PRKACA: variants seen among roughly 807,000 people sequenced by gnomAD.
The protein encoded by PRKACA is protein kinase cAMP-activated catalytic subunit alpha, also known as cAMP-dependent protein kinase catalytic subunit alpha.
In PRKACA, 9 loss-of-function variants were observed where a neutral mutation model predicts 45.8. That is an observed-to-expected ratio of 0.20 (90% CI 0.12 to 0.34). PRKACA has a LOEUF of 0.34. Among genes scored for constraint, PRKACA ranks in the 10% least tolerant of loss-of-function variants. The probability of loss-of-function intolerance (pLI) is 1.00; values close to 1 mark genes in which losing one functional copy is unlikely to be tolerated. For synonymous variants in PRKACA, 160 were observed against 178.6 expected (o/e 0.90, Z 0.83); for missense variants, 238 against 458.6 (o/e 0.52, Z 4.39).
chr19:14,106,752 C>A lies in PRKACA; in HGVS notation c.237+8G>T. ...AGGCAGGCCCTGAGCGAGGACAGGC[C>A]ACCTCACCTTCTGTTTGTCGAGGAT... On this transcript the variant is annotated splice_region_variant and intron_variant, in intron 3 of 9. Transcript: ENST00000308677. The A allele has an allele frequency of 6.2e-7, 1 of 1,614,112 alleles. No individual in the cohort carries two copies. The highest frequency in any genetic ancestry group is 8.5e-7 in the Non-Finnish European group (1 of 1,179,960).
At chr19:14,093,316 C>T (rs1224851542) in intron 9 of PRKACA, 79 bp from the exon 10 acceptor site, 38 of 1,537,054 alleles carry the variant, frequency 2.5e-5, no homozygotes, top group Middle Eastern at 1.7e-4. Context: ...AATGGCCTAA[C>T]ATTCAAGAGA....
Position 14,102,847 on chromosome 19 carries a change from G to A in PRKACA, c.305C>T (p.Pro102Leu), listed in dbSNP as rs747585702. 2 of 1,614,182 alleles carry A rather than the reference G, an allele frequency of 1.2e-6. No homozygotes were observed. Among genetic ancestry groups the A allele is most frequent in the South Asian group, 1.1e-5 (1 of 91,082 alleles). ...GGAGAACTCGAGTTTGACGAGGAAC[G>A]GAAAGTTGACAGCTTGCAGGATGCG... The part of the protein sequence containing the change: ...EKRILQAVNF[P>L]FLVKLEFSFK... Residue 102 changes from proline (P) to leucine (L), a missense_variant, in exon 4 of 10, where the codon CCG (proline) becomes CTG (leucine). Transcript: ENST00000308677.
intron 1 of PRKACA, among the ~76,000 whole-genome samples, chr19:14,117,064 G>A (rs1416755912): frequency 1.3e-5 from 2 of 151,960 alleles, no homozygotes; most frequent in Non-Finnish European, 2.9e-5. Context: ...GTCCCTGCGC[G>A]GTGGAGGCAG....
intron 8 of PRKACA, among the ~76,000 whole-genome samples, chr19:14,095,885 G>T (rs1471257461): frequency 1.3e-5 from 2 of 151,788 alleles, no homozygotes; most frequent in African/African-American, 2.4e-5. Flanking sequence ...TTTTTTAAAA[G>T]ACAGGGTCTG....
intron 1 of PRKACA, among the ~76,000 whole-genome samples, chr19:14,115,638 G>A (rs1364550740): frequency 1.3e-5 from 2 of 152,124 alleles, no homozygotes; most frequent in Non-Finnish European, 2.9e-5. Context: ...ATTCATTCCT[G>A]GGTGTCTGAC....
Position 14,092,344 on chromosome 19 carries a change from C to G in PRKACA, c.*768G>C, listed in dbSNP as rs1187629622. ...CTGTTGGGGAAAAAGAGAGCGGAGG[C>G]TTCCTAAAGGGGCCTAGACCCTCGC... On this transcript the variant is annotated 3_prime_UTR_variant, in exon 10 of 10. Transcript: ENST00000308677. 6.3e-6 allele frequency: 2 copies of G among 316,908 alleles called. No individual in the cohort carries two copies. Among genetic ancestry groups the G allele is most frequent in the Non-Finnish European group, 1.2e-5 (2 of 173,698 alleles). 19.6% of individuals were successfully genotyped at this position (316,908 alleles called of 1,614,324 possible). A position where few individuals can be genotyped will look rare whatever the true frequency, so the allele number is the denominator to read the frequency against.
At chr19:14,110,350 G>A (rs1215142261) in intron 1 of PRKACA, among the ~76,000 whole-genome samples, 1 of 151,760 alleles carries the variant, frequency 6.6e-6, no homozygotes, top group East Asian at 1.9e-4. Flanking sequence ...GGCCGAGTTG[G>A]GGGGATTGCT....
intron 2 of PRKACA, 26 bp from the exon 3 acceptor site, chr19:14,106,914 C>T (rs375496832): frequency 2.4e-5 from 38 of 1,613,078 alleles, no homozygotes; most frequent in Non-Finnish European, 3.2e-5. Context: ...TCGGTAGGCT[C>T]AGGGCACGCC....
In PRKACA at chr19:14,093,321, A is replaced by G. The variant is rs548554557; in HGVS notation, c.931-84T>C. 2.5e-5 allele frequency: 38 copies of G among 1,527,686 alleles called. No individual in the cohort carries two copies. In the African/African-American group the frequency reaches 4.0e-4, roughly 16 times the overall value. 94.6% of individuals were successfully genotyped at this position (1,527,686 alleles called of 1,614,324 possible). A position where few individuals can be genotyped will look rare whatever the true frequency, so the allele number is the denominator to read the frequency against. ...AATAAATGCGAATGGCCTAACATTCAAGAGATATTTACTCTGACTCAGGCC... is the reference window on the plus strand; with the variant it reads ...AATAAATGCGAATGGCCTAACATTCGAGAGATATTTACTCTGACTCAGGCC... On this transcript the variant is annotated intron_variant, in intron 9 of 9. Coordinates refer to ENST00000308677, the MANE Select transcript of PRKACA (RefSeq NM_002730.4).
At chr19:14,112,013 A>T (rs1966979421) in intron 1 of PRKACA, among the ~76,000 whole-genome samples, 1 of 152,146 alleles carries the variant, frequency 6.6e-6, no homozygotes, top group Non-Finnish European at 1.5e-5. Flanking sequence ...GGTGCCCCAC[A>T]GAGTCGCTCC....
Position 14,092,329 on chromosome 19 carries a change from A to C in PRKACA, c.*783T>G. On this transcript the variant is annotated 3_prime_UTR_variant, in exon 10 of 10. Coordinates refer to ENST00000308677, the MANE Select transcript of PRKACA (RefSeq NM_002730.4). ...AGGGTGAAGACAGGTCTGTTGGGGA[A>C]AAAGAGAGCGGAGGCTTCCTAAAGG... The C allele has an allele frequency of 7.2e-6, 2 of 276,630 alleles. No homozygotes were observed. Among genetic ancestry groups the C allele is most frequent in the East Asian group, 5.9e-5 (1 of 16,890 alleles). The allele number at this position is 276,630 out of a possible 1,614,324, so 17.1% of individuals were successfully genotyped here. A position where few individuals can be genotyped will look rare whatever the true frequency, so the allele number is the denominator to read the frequency against.
chr19:14,099,492 G>T (rs535661459), intron 5 of PRKACA, among the ~76,000 whole-genome samples: 11 of 150,856 alleles, frequency 7.3e-5, no homozygotes, highest in African/African-American at 2.7e-4. Flanking sequence ...TAGGGATGAA[G>T]GTGGGCTCAT....
intron 8 of PRKACA, among the ~76,000 whole-genome samples, chr19:14,094,688 T>C (rs1348829773): frequency 3.3e-5 from 5 of 152,228 alleles, no homozygotes; most frequent in South Asian, 2.1e-4. Context: ...TACTGGACTC[T>C]AGAACTTGCA....
chr19:14,102,166 C>T (rs981505748), intron 4 of PRKACA, among the ~76,000 whole-genome samples: 1 of 149,790 alleles, frequency 6.7e-6, no homozygotes, highest in Non-Finnish European at 1.5e-5. Context: ...TCTGTCTCAA[C>T]AAAAAAAAAT....
chr19:14,094,719 T>G (rs936554884), intron 8 of PRKACA, among the ~76,000 whole-genome samples: 1 of 152,246 alleles, frequency 6.6e-6, no homozygotes, highest in African/African-American at 2.4e-5. Flanking sequence ...CTGCTGCTGC[T>G]GCTTAAGGCA....
In PRKACA at chr19:14,093,050, ACCCC is replaced by A; in HGVS notation, c.*58_*61del. ...TCTGGCTGTTCAATCCAACCCTCCC[ACCCC>A]CCCGACCAAAAAAAAGAAAAAAGAA... On this transcript the variant is annotated 3_prime_UTR_variant, in exon 10 of 10. Transcript: ENST00000308677. 1 of 79,056 alleles carries A rather than the reference ACCCC, an allele frequency of 1.3e-5. No homozygotes were observed. Among genetic ancestry groups the A allele is most frequent in the Non-Finnish European group, 2.2e-5 (1 of 44,928 alleles). 4.9% of individuals were successfully genotyped at this position (79,056 alleles called of 1,614,324 possible).
Position 14,094,949 on chromosome 19 carries a change from C to T in PRKACA, c.766-1157G>A, listed in dbSNP as rs550566845. On this transcript the variant is annotated intron_variant, in intron 8 of 9. Transcript: ENST00000308677. ...TCTTGTTCCTGCTGTGCCTCTTACA[C>T]GCTGTGTGACCTTGGCCATGGCCCT... 1.7e-4 allele frequency among the ~76,000 whole-genome samples: 26 copies of T among 152,340 alleles called. 1 individual carries two copies. Among genetic ancestry groups the T allele is most frequent in the African/African-American group, 4.3e-4 (18 of 41,572 alleles).
At chr19:14,109,904 C>T (rs1335041104) in intron 1 of PRKACA, among the ~76,000 whole-genome samples, 1 of 124,378 alleles carries the variant, frequency 8.0e-6, no homozygotes, top group Non-Finnish European at 1.6e-5. Flanking sequence ...TGCCACTGCA[C>T]TCCAGCCTAG....
chr19:14,107,427 G>T lies in PRKACA; in HGVS notation c.47-18C>A, dbSNP rs765813011. 4.3e-6 allele frequency: 7 copies of T among 1,612,082 alleles called. No individual in the cohort carries two copies. Among genetic ancestry groups the T allele is most frequent in the Non-Finnish European group, 5.9e-6 (7 of 1,178,256 alleles). ...TTCTTTCACTGAAAGGGAGAGAGGG[G>T]AGAGTTATACAGAGACGCCCGTCTC... On this transcript the variant is annotated intron_variant, in intron 1 of 9. Coordinates refer to ENST00000308677, the MANE Select transcript of PRKACA (RefSeq NM_002730.4).
Sources: allele counts gnomAD v4.1 joint callset (sites outside exome capture counted in the v4.1 genomes callset), GRCh38; gene constraint gnomAD v4.1.1; transcripts MANE v1.5; gene names NCBI Gene and HGNC (gene_info 2026-07-23, HGNC 2026-07-21).